IPMK: variants seen among roughly 807,000 people sequenced by gnomAD.
The protein encoded by IPMK is inositol 1,3,4,6-tetrakisphosphate 5-kinase.
IPMK carries 17 observed loss-of-function variants against 45.8 expected under a neutral mutation model. The observed-to-expected ratio is 0.37, with a 90% confidence interval of 0.25 to 0.56. The LOEUF (loss-of-function observed/expected upper bound fraction) is 0.56, where lower values mean the gene tolerates loss of function less well. Ranked by LOEUF, IPMK falls within the 20% of genes least tolerant of loss-of-function variation. The probability of loss-of-function intolerance (pLI) is 0.79; values close to 1 mark genes in which losing one functional copy is unlikely to be tolerated. For synonymous variants in IPMK, 180 were observed against 184.3 expected, an observed-to-expected ratio of 0.98 and a Z score of 0.19; for missense variants, 399 against 498.0, an observed-to-expected ratio of 0.80 and a Z score of 1.89.
At chr10:58,241,861 T>C (rs890185113) in intron 1 of IPMK, among the ~76,000 whole-genome samples, 9 of 151,922 alleles carry the variant, frequency 5.9e-5, no homozygotes, top group Non-Finnish European at 1.3e-4. Context: ...CTTCAACATA[T>C]GAATTTTAAA....
chr10:58,252,753 C>T (rs1838904117), intron 1 of IPMK, among the ~76,000 whole-genome samples: 1 of 151,700 alleles, frequency 6.6e-6, no homozygotes, highest in South Asian at 2.1e-4. Context: ...GGTGGGATTA[C>T]AGGCACCCAC....
chr10:58,240,965 A>C (rs1285003572), intron 1 of IPMK, among the ~76,000 whole-genome samples: 1 of 152,198 alleles, frequency 6.6e-6, no homozygotes, highest in East Asian at 1.9e-4. Context: ...CCTCTGGATC[A>C]AAAGTCTTAA....
intron 1 of IPMK, among the ~76,000 whole-genome samples, chr10:58,245,482 C>T (rs1564538056): frequency 6.6e-6 from 1 of 151,020 alleles, no homozygotes; most frequent in African/African-American, 2.5e-5. Flanking sequence ...GGTGGTACCA[C>T]ATGCCTGTAA....
chr10:58,228,424 G>A (rs993137296), intron 2 of IPMK, among the ~76,000 whole-genome samples: 1 of 152,228 alleles, frequency 6.6e-6, no homozygotes, highest in African/African-American at 2.4e-5. Flanking sequence ...GAATGGAAAT[G>A]AAAGAGAGAT....
Position 58,196,716 on chromosome 10 carries a change from T to C in IPMK, c.629-18A>G, listed in dbSNP as rs1292215952. ...GGAGACTCCTATAAAAAGAAAAATA[T>C]GAGCGTTATAATCAAATTATGAAAT... On this transcript the variant is annotated intron_variant, in intron 5 of 5. Coordinates refer to ENST00000373935, the MANE Select transcript of IPMK (RefSeq NM_152230.5). 6.8e-7 allele frequency: 1 copy of C among 1,477,610 alleles called. No homozygotes were observed. Among genetic ancestry groups the C allele is most frequent in the South Asian group, 1.3e-5 (1 of 77,580 alleles). 91.5% of individuals were successfully genotyped at this position (1,477,610 alleles called of 1,614,324 possible).
At position 58,267,788 on chromosome 10, in the gene IPMK, G is replaced by A; in HGVS notation, c.-177C>T. 1 of 558,310 alleles carries A rather than the reference G, an allele frequency of 1.8e-6. No individual in the cohort carries two copies. The highest frequency in any genetic ancestry group is 3.5e-5 in the Admixed American group (1 of 28,470). The allele number at this position is 558,310 out of a possible 1,614,324, so 34.6% of individuals were successfully genotyped here. A position where few individuals can be genotyped will look rare whatever the true frequency, so the allele number is the denominator to read the frequency against. On this transcript the variant is annotated 5_prime_UTR_variant, in exon 1 of 6. Coordinates refer to ENST00000373935, the MANE Select transcript of IPMK (RefSeq NM_152230.5). ...CCCATGACGCCGCCGGGGCGCGGGC[G>A]CTCCTCTGCCCAACTCTCGGCGGAA...
chr10:58,194,454 T>C lies in IPMK; in HGVS notation c.*1622A>G, dbSNP rs1419301446. 6.6e-6 allele frequency: 1 copy of C among 151,916 alleles called. No individual in the cohort carries two copies. Among genetic ancestry groups the C allele is most frequent in the Non-Finnish European group, 1.5e-5 (1 of 67,808 alleles). 9.4% of individuals were successfully genotyped at this position (151,916 alleles called of 1,614,324 possible). On this transcript the variant is annotated 3_prime_UTR_variant, in exon 6 of 6. Coordinates refer to ENST00000373935, the MANE Select transcript of IPMK (RefSeq NM_152230.5). ...TAAATAAAAAATTAAAATCAAATTT[T>C]GCTATTACAAAATGAACATGATCTT... is the stretch of plus-strand genomic sequence containing the variant.
chr10:58,196,666 A>T lies in IPMK; in HGVS notation c.661T>A (p.Leu221Ile). ...CTGGCAGCAACAGCATCTTTTCTTAAGCAGTACCCATTATGAAAAAATCTG... is the reference window on the plus strand; with the variant it reads ...CTGGCAGCAACAGCATCTTTTCTTATGCAGTACCCATTATGAAAAAATCTG... ...VSRFFHNGYC[L>I]RKDAVAASIQ... The change falls in exon 6 of 6, where the codon TTA (leucine) becomes ATA (isoleucine). Residue 221 changes from leucine to isoleucine, a missense_variant. Coordinates refer to ENST00000373935, the MANE Select transcript of IPMK (RefSeq NM_152230.5). The T allele has an allele frequency of 6.3e-7, 1 of 1,596,768 alleles. No individual in the cohort carries two copies. Among genetic ancestry groups the T allele is most frequent in the Non-Finnish European group, 8.5e-7 (1 of 1,174,478 alleles).
chr10:58,237,223 G>T (rs1250612009), intron 2 of IPMK, among the ~76,000 whole-genome samples: 1 of 152,148 alleles, frequency 6.6e-6, no homozygotes, highest in South Asian at 2.1e-4. Flanking sequence ...AGAGACTGGA[G>T]GGTATGAGAA....
intron 1 of IPMK, among the ~76,000 whole-genome samples, chr10:58,259,870 G>A (rs756590215): frequency 2.0e-5 from 3 of 151,804 alleles, no homozygotes; most frequent in East Asian, 3.9e-4. Flanking sequence ...AATGTAACAC[G>A]AATGATAGTT....
At chr10:58,220,851 C>G (rs1300010784) in intron 3 of IPMK, among the ~76,000 whole-genome samples, 2 of 152,122 alleles carry the variant, frequency 1.3e-5, no homozygotes, top group East Asian at 3.9e-4. Context: ...CATTTTACCT[C>G]TAAGTATATA....
intron 3 of IPMK, among the ~76,000 whole-genome samples, chr10:58,217,993 T>G (rs1038183452): frequency 6.6e-6 from 1 of 152,098 alleles, no homozygotes. Flanking sequence ...CAGTTAGGGC[T>G]TGAAAAATTT....
At chr10:58,231,454 A>G (rs1478476541) in intron 2 of IPMK, among the ~76,000 whole-genome samples, 3 of 152,200 alleles carry the variant, frequency 2.0e-5, no homozygotes, top group Admixed American at 2.0e-4. Context: ...CACAAAGGGA[A>G]GCCCATCAGA....
chr10:58,259,984 A>G (rs1296261892), intron 1 of IPMK, among the ~76,000 whole-genome samples: 1 of 152,210 alleles, frequency 6.6e-6, no homozygotes, highest in Non-Finnish European at 1.5e-5. Context: ...CAGTCTCAAA[A>G]TATTCCTCTC....
intron 4 of IPMK, among the ~76,000 whole-genome samples, chr10:58,204,613 G>A (rs1411310208): frequency 2.0e-5 from 3 of 152,092 alleles, no homozygotes; most frequent in African/African-American, 4.8e-5. Context: ...AGGAAACAAA[G>A]TGAGACACAG....
At chr10:58,210,666 T>C (rs1186514267) in intron 4 of IPMK, among the ~76,000 whole-genome samples, 1 of 152,172 alleles carries the variant, frequency 6.6e-6, no homozygotes, top group Non-Finnish European at 1.5e-5. Flanking sequence ...TTTTACATTT[T>C]ACGTGGCCCC....
At chr10:58,208,745 G>A (rs938684186) in intron 4 of IPMK, among the ~76,000 whole-genome samples, 3 of 152,118 alleles carry the variant, frequency 2.0e-5, no homozygotes, top group Admixed American at 6.5e-5. Flanking sequence ...TTGTTCTCTC[G>A]TGGTGTACAC....
At chr10:58,225,086 G>T (rs1838392755) in intron 3 of IPMK, among the ~76,000 whole-genome samples, 1 of 152,114 alleles carries the variant, frequency 6.6e-6, no homozygotes, top group Admixed American at 6.5e-5. Context: ...GGACCACTCT[G>T]TTATCATATA....
At chr10:58,253,439 C>G (rs1838914493) in intron 1 of IPMK, among the ~76,000 whole-genome samples, 1 of 152,052 alleles carries the variant, frequency 6.6e-6, no homozygotes, top group South Asian at 2.1e-4. Context: ...TGAAAAATAG[C>G]TTTACTGGGC....
Sources: gnomAD v4.1 joint callset for allele counts (sites outside exome capture counted in the v4.1 genomes callset) on GRCh38, gnomAD v4.1.1 for gene constraint, MANE v1.5 for transcripts, NCBI Gene and HGNC (gene_info 2026-07-23, HGNC 2026-07-21) for gene names.